Variants in GIGYF2 observed in about 807,000 individuals in gnomAD.
GIGYF2 encodes GRB10-interacting GYF protein 2.
A neutral mutation model predicts 208.1 loss-of-function variants in GIGYF2; 25 were observed. That is an observed-to-expected ratio of 0.12 (90% CI 0.09 to 0.17). The LOEUF is 0.17. Among genes scored for constraint, GIGYF2 ranks in the 10% least tolerant of loss-of-function variants. The pLI, the probability that GIGYF2 is intolerant of heterozygous loss-of-function variation, is 1.00. For missense variants in GIGYF2, 1,302 were observed against 1,579.4 expected (o/e 0.82, Z 2.98); for synonymous variants, 534 against 543.8 (o/e 0.98, Z 0.25).
At chr2:232,714,711 C>G (rs1696596569) in intron 2 of GIGYF2, among the ~76,000 whole-genome samples, 1 of 152,020 alleles carries the variant, frequency 6.6e-6, no homozygotes, top group African/African-American at 2.4e-5. Context: ...CACCACTGTT[C>G]TGTTTTCTGT....
chr2:232,774,699 A>G (rs1699438504), intron 8 of GIGYF2, among the ~76,000 whole-genome samples: 1 of 152,152 alleles, frequency 6.6e-6, no homozygotes, highest in African/African-American at 2.4e-5. Flanking sequence ...AATGCCCCTC[A>G]TGCTCCTGGA....
chr2:232,791,517 C>A, intron 12 of GIGYF2, 71 bp downstream of exon 12: 1 of 1,342,276 alleles, frequency 7.5e-7, no homozygotes, highest in Non-Finnish European at 1.1e-6. Flanking sequence ...ATAAGTTAGG[C>A]TTCTGCTTAT....
At chr2:232,809,414 C>G (rs924118155) in intron 15 of GIGYF2, among the ~76,000 whole-genome samples, 3 of 152,264 alleles carry the variant, frequency 2.0e-5, no homozygotes, top group Middle Eastern at 3.4e-3. Flanking sequence ...CTTTCAGTTA[C>G]AGTAATAACT....
At chr2:232,768,985 T>C (rs1273362798) in intron 8 of GIGYF2, among the ~76,000 whole-genome samples, 1 of 152,176 alleles carries the variant, frequency 6.6e-6, no homozygotes, top group Non-Finnish European at 1.5e-5. Flanking sequence ...CTGAAGCATT[T>C]TTCAAAGTAC....
chr2:232,794,604 T>A, intron 12 of GIGYF2, 144 bp from the exon 13 acceptor site: 1 of 724,172 alleles, frequency 1.4e-6, no homozygotes, highest in Non-Finnish European at 2.5e-6. Flanking sequence ...ATTACGTTTC[T>A]CCATAGAAGT....
intron 28 of GIGYF2, among the ~76,000 whole-genome samples, chr2:232,851,934 A>G (rs908959256): frequency 1.3e-5 from 2 of 152,134 alleles, no homozygotes; most frequent in African/African-American, 4.8e-5. Context: ...GGATTTCAGA[A>G]ATGTAGGGGA....
chr2:232,728,446 TGAA>T (rs1386992801), intron 2 of GIGYF2, among the ~76,000 whole-genome samples: 1 of 152,146 alleles, frequency 6.6e-6, no homozygotes, highest in African/African-American at 2.4e-5. Flanking sequence ...AGAGGAATCT[TGAA>T]GAAGTAGGCT....
intron 8 of GIGYF2, among the ~76,000 whole-genome samples, chr2:232,773,301 A>G (rs185981826): frequency 2.2e-4 from 33 of 152,330 alleles, no homozygotes; most frequent in Non-Finnish European, 4.4e-4. Flanking sequence ...AACTGCTTTC[A>G]TACTGTATTA....
chr2:232,815,821 G>C, intron 19 of GIGYF2, 84 bp downstream of exon 19: 1 of 763,508 alleles, frequency 1.3e-6, no homozygotes, highest in Non-Finnish European at 2.3e-6. Context: ...TCTCTAGCTA[G>C]CTATGCTTTT....
At chr2:232,816,529 C>T (rs181171856) in intron 19 of GIGYF2, among the ~76,000 whole-genome samples, 18 of 152,198 alleles carry the variant, frequency 1.2e-4, no homozygotes, top group Middle Eastern at 3.4e-3. Context: ...ATAATGGTAA[C>T]GTGGAGTGTG....
At chr2:232,788,411 C>A (rs1293966770) in intron 9 of GIGYF2, 2 of 281,636 alleles carry the variant, frequency 7.1e-6, no homozygotes, top group Non-Finnish European at 1.5e-5. Context: ...AGACAATTTT[C>A]ATTAGTCTGT....
intron 26 of GIGYF2, among the ~76,000 whole-genome samples, chr2:232,847,027 TAATA>T (rs1293705535): frequency 1.3e-5 from 2 of 152,236 alleles, no homozygotes; most frequent in East Asian, 3.8e-4. Flanking sequence ...TCATAGGAGT[TAATA>T]AATACTGATT....
intron 5 of GIGYF2, among the ~76,000 whole-genome samples, chr2:232,751,102 C>T (rs1698322668): frequency 6.6e-6 from 1 of 152,230 alleles, no homozygotes; most frequent in South Asian, 2.1e-4. Context: ...GCTGGGCTTA[C>T]AGGCATGATC....
At chr2:232,723,432 CT>C (rs371379851) in intron 2 of GIGYF2, among the ~76,000 whole-genome samples, 15,730 of 134,794 alleles carry the variant, frequency 0.12, 765 homozygotes, top group African/African-American at 0.23. Flanking sequence ...CTTTTCTTTT[CT>C]TTTTTTTTTT....
At chr2:232,749,784 A>T (rs1000182602) in intron 5 of GIGYF2, among the ~76,000 whole-genome samples, 1 of 152,180 alleles carries the variant, frequency 6.6e-6, no homozygotes, top group African/African-American at 2.4e-5. Context: ...GGAAAAGGTA[A>T]AGCAAGAAGT....
chr2:232,727,246 A>G (rs1697242858), intron 2 of GIGYF2, among the ~76,000 whole-genome samples: 1 of 152,188 alleles, frequency 6.6e-6, no homozygotes, highest in South Asian at 2.1e-4. Context: ...GGATTACAAC[A>G]TGAGCCACTG....
chr2:232,829,830 CATAA>C (rs2106405989), intron 21 of GIGYF2, among the ~76,000 whole-genome samples: 1 of 152,258 alleles, frequency 6.6e-6, no homozygotes. Flanking sequence ...TTAGGCAAAA[CATAA>C]ATAAAAATCT....
intron 22 of GIGYF2, among the ~76,000 whole-genome samples, chr2:232,836,373 TATAA>T (rs1459872365): frequency 0.085 from 4,868 of 57,008 alleles, 509 homozygotes; most frequent in East Asian, 0.16. Context: ...TATAAATATA[TATAA>T]ATATAAATAT....
chr2:232,768,374 T>C, intron 8 of GIGYF2: 1 of 1,614,192 alleles, frequency 6.2e-7, no homozygotes, highest in South Asian at 1.1e-5. Context: ...TCAACAGAGA[T>C]GCAAAACAGT....
Sources: allele counts gnomAD v4.1 joint callset (sites outside exome capture counted in the v4.1 genomes callset), GRCh38; gene constraint gnomAD v4.1.1; transcripts MANE v1.5; gene names NCBI Gene and HGNC (gene_info 2026-07-23, HGNC 2026-07-21).